Variants in ABI2 observed in about 807,000 individuals in gnomAD.
The protein encoded by ABI2 is abl interactor 2.
Under a neutral mutation model 59.2 loss-of-function variants are expected in ABI2, and 25 were observed. That is an observed-to-expected ratio of 0.42 (90% CI 0.31 to 0.59). ABI2 has a LOEUF of 0.59. Among genes scored for constraint, ABI2 ranks in the 20% least tolerant of loss-of-function variants. The pLI, the probability that ABI2 is intolerant of heterozygous loss-of-function variation, is 0.14. For missense variants in ABI2, 545 were observed against 681.8 expected (o/e 0.80, Z 2.23); for synonymous variants, 213 against 235.5 (o/e 0.90, Z 0.87).
chr2:203,339,869 A>G (rs2152484733), intron 1 of ABI2, among the ~76,000 whole-genome samples: 3 of 152,344 alleles, frequency 2.0e-5, no homozygotes, highest in South Asian at 2.1e-4. Context: ...AAGTATACCC[A>G]AATCTGCATA....
chr2:203,373,145 C>T lies in ABI2; in HGVS notation c.285+6101C>T, dbSNP rs560870029. ...GGTGGAGGTTGTAGCGAGCCGAGAT[C>T]ACGCCACTGCACTCCAGCCTGGGCA... On this transcript the variant is annotated intron_variant, in intron 2 of 11. Transcript: ENST00000261018. Among the ~76,000 whole-genome samples the T allele has an allele frequency of 3.2e-4, 48 of 152,236 alleles. 1 individual carries two copies. The South Asian group carries it at 5.0e-3, about 16-fold the overall frequency.
chr2:203,339,372 G>T (rs908485040), intron 1 of ABI2, among the ~76,000 whole-genome samples: 10 of 151,850 alleles, frequency 6.6e-5, no homozygotes, highest in Admixed American at 2.0e-4. Context: ...CTGAGGTCAG[G>T]AGTTGAAGAC....
chr2:203,418,055 A>G (rs2097984895), intron 11 of ABI2, among the ~76,000 whole-genome samples: 1 of 152,214 alleles, frequency 6.6e-6, no homozygotes, highest in Non-Finnish European at 1.5e-5. Context: ...TGCCATGACA[A>G]TAGAAACTAT....
chr2:203,344,856 CTG>C (rs2082230100), intron 1 of ABI2, among the ~76,000 whole-genome samples: 1 of 152,140 alleles, frequency 6.6e-6, no homozygotes. Context: ...AGTCAGCGCT[CTG>C]TGTCTTGCTA....
intron 1 of ABI2, among the ~76,000 whole-genome samples, chr2:203,332,629 AAAC>A (rs1281050145): frequency 6.6e-6 from 1 of 152,222 alleles, no homozygotes; most frequent in Non-Finnish European, 1.5e-5. Flanking sequence ...TGTCTCAAAA[AAAC>A]AAAAATTACA....
At chr2:203,385,319 GAC>G (rs968282753) in intron 4 of ABI2, among the ~76,000 whole-genome samples, 2 of 150,668 alleles carry the variant, frequency 1.3e-5, no homozygotes, top group Non-Finnish European at 3.0e-5. Flanking sequence ...TTTTAGTAGA[GAC>G]GGGGTTTCAC....
intron 9 of ABI2, among the ~76,000 whole-genome samples, chr2:203,408,908 G>A (rs1195072319): frequency 7.6e-6 from 1 of 132,222 alleles, no homozygotes; most frequent in Non-Finnish European, 1.6e-5. Context: ...GCGCAATCTC[G>A]GCTCACTGCA....
At chr2:203,403,244 A>G (rs563435382) in intron 9 of ABI2, 1 of 152,866 alleles carries the variant, frequency 6.5e-6, no homozygotes, top group East Asian at 1.9e-4. Flanking sequence ...ACACTAAATA[A>G]TCGGTTGTAT....
At chr2:203,392,001 A>T (rs542902938) in intron 5 of ABI2, among the ~76,000 whole-genome samples, 4 of 152,168 alleles carry the variant, frequency 2.6e-5, no homozygotes, top group Admixed American at 2.6e-4. Context: ...GCATTAGTAT[A>T]GCCCAGAAGC....
chr2:203,427,075 G>T (rs1398355401), intron 11 of ABI2, 102 bp from the exon 12 acceptor site: 3 of 989,320 alleles, frequency 3.0e-6, no homozygotes, highest in African/African-American at 1.6e-5. Flanking sequence ...CCATGTTTGA[G>T]TGCTACAGGA....
chr2:203,387,998 A>G (rs2096598338), intron 4 of ABI2, among the ~76,000 whole-genome samples: 1 of 152,090 alleles, frequency 6.6e-6, no homozygotes, highest in African/African-American at 2.4e-5. Flanking sequence ...ATATATTTTT[A>G]TATTTACCAG....
chr2:203,382,602 A>T (rs1332153821), intron 4 of ABI2, among the ~76,000 whole-genome samples: 2 of 152,194 alleles, frequency 1.3e-5, no homozygotes, highest in African/African-American at 4.8e-5. Flanking sequence ...TGGAGGGCCA[A>T]TTAATGTACT....
Position 203,380,346 on chromosome 2 carries a change from G to T in ABI2, c.424G>T (p.Asp142Tyr). Residue 142 changes from aspartate to tyrosine, a missense_variant, in exon 3 of 12, where the codon GAC (aspartate) becomes TAC (tyrosine). By Grantham distance (160) the Asp-to-Tyr change is radical. Coordinates refer to ENST00000261018, the MANE Select transcript of ABI2 (RefSeq NM_001375670.1). ...RPVRYIRKPI[D>Y]YTILDDIGHG... ...AGTTCGTTATATTAGAAAACCTATT[G>T]ACTATACAATTCTAGATGATATTGG... is the stretch of plus-strand genomic sequence containing the variant. 6.3e-7 allele frequency: 1 copy of T among 1,593,350 alleles called. No homozygotes were observed. Among genetic ancestry groups the T allele is most frequent in the South Asian group, 1.2e-5 (1 of 86,424 alleles).
intron 1 of ABI2, among the ~76,000 whole-genome samples, chr2:203,349,881 C>T (rs1263890774): frequency 6.6e-6 from 1 of 152,086 alleles, no homozygotes; most frequent in Non-Finnish European, 1.5e-5. Context: ...TTTGTGTGGG[C>T]ATATGTGCTC....
chr2:203,337,309 C>T (rs1018735396), intron 1 of ABI2, among the ~76,000 whole-genome samples: 21 of 152,218 alleles, frequency 1.4e-4, no homozygotes, highest in African/African-American at 4.8e-4. Flanking sequence ...TTGTAGGAGA[C>T]AAGATCAACA....
intron 4 of ABI2, chr2:203,386,443 T>TTG (rs2096522362): frequency 6.4e-6 from 1 of 155,184 alleles, no homozygotes; most frequent in Non-Finnish European, 1.3e-5. Flanking sequence ...TTTTTTTTTT[T>TTG]TTTTTTTTTT....
rs185452459 is a variant in ABI2 at position 203,360,013 on chromosome 2, C to T, written c.118-6864C>T. ...CATCCTGGCCAACATGGTAAAACCC[C>T]GTGCCTGCTAAAAGTACAGAAATTA... is the stretch of plus-strand genomic sequence containing the variant. On this transcript the variant is annotated intron_variant, in intron 1 of 11. Transcript: ENST00000261018. Among the ~76,000 whole-genome samples, 9 of 151,858 alleles carry T rather than the reference C, an allele frequency of 5.9e-5. No homozygotes were observed. The East Asian group carries it at 7.8e-4, about 13-fold the overall frequency.
chr2:203,411,444 A>G, intron 10 of ABI2, 73 bp downstream of exon 10: 1 of 1,121,726 alleles, frequency 8.9e-7, no homozygotes, highest in Non-Finnish European at 1.3e-6. Flanking sequence ...GATTGACTGG[A>G]TAGTCATTCA....
chr2:203,328,740 C>A, intron 1 of ABI2, 109 bp downstream of exon 1: 1 of 591,216 alleles, frequency 1.7e-6, no homozygotes, highest in African/African-American at 2.0e-5. Context: ...GCGGAGCCCC[C>A]GATGGGGGTG....
Sources: gnomAD v4.1 joint callset for allele counts (sites outside exome capture counted in the v4.1 genomes callset) on GRCh38, gnomAD v4.1.1 for gene constraint, MANE v1.5 for transcripts, NCBI Gene and HGNC (gene_info 2026-07-23, HGNC 2026-07-21) for gene names.